The following IL1RAPL2 variants were observed in gnomAD, a reference collection of about 807,000 sequenced individuals.
IL1RAPL2 encodes the protein interleukin 1 receptor accessory protein like 2.
In IL1RAPL2, 3 loss-of-function variants were observed where a neutral mutation model predicts 44.1. The ratio of observed to expected loss-of-function variants is 0.07; its 90% CI spans 0.03 to 0.18. The LOEUF (loss-of-function observed/expected upper bound fraction) is 0.18. Among genes scored for constraint, IL1RAPL2 ranks in the 10% least tolerant of loss-of-function variants. The pLI is 1.00. For synonymous variants in IL1RAPL2, 181 were observed against 178.8 expected (o/e 1.01, Z -0.10); for missense variants, 391 against 496.4 (o/e 0.79, Z 2.02).
At chrX:105,208,586 G>A (rs944400965) in intron 3 of IL1RAPL2, among the ~76,000 whole-genome samples, 2 of 111,146 alleles carry the variant, frequency 1.8e-5, no homozygotes, top group Non-Finnish European at 3.8e-5. Context: ...CTAAGTGAGA[G>A]GGGTAATGTA....
At chrX:104,641,362 C>T (rs989414141) in intron 1 of IL1RAPL2, among the ~76,000 whole-genome samples, 1 of 111,068 alleles carries the variant, frequency 9.0e-6, no homozygotes. Context: ...GCTTAGGCCC[C>T]CTAATGGTGA....
Position 104,839,346 on chromosome X carries a change from C to T in IL1RAPL2, c.82+180351C>T, listed in dbSNP as rs890740564. 4.5e-5 allele frequency among the ~76,000 whole-genome samples: 5 copies of T among 111,222 alleles called. No individual in the cohort carries two copies. In the East Asian group the frequency reaches 8.5e-4, roughly 19 times the overall value. On this transcript the variant is annotated intron_variant, in intron 2 of 10. Coordinates refer to ENST00000372582, the MANE Select transcript of IL1RAPL2 (RefSeq NM_017416.2). ...TTTTCTGCATCTATTGAGATAATCACGTGTTTTTGTCATTGGTTCTGTTTA... is the reference window on the plus strand; with the variant it reads ...TTTTCTGCATCTATTGAGATAATCATGTGTTTTTGTCATTGGTTCTGTTTA...
At chrX:104,829,990 A>C (rs142172209) in intron 2 of IL1RAPL2, among the ~76,000 whole-genome samples, 4 of 112,039 alleles carry the variant, frequency 3.6e-5, no homozygotes, top group African/African-American at 1.3e-4. Context: ...GGTTAAGAGT[A>C]GAGCTGGGAT....
In IL1RAPL2 at chrX:104,813,976, A is replaced by G. The variant is rs1246785694; in HGVS notation, c.82+154981A>G. ...CACTTCCTTCCTCCTTGGTCTTTCT[A>G]GTTTTTCTTTATTTAGACTCTGTTT... On this transcript the variant is annotated intron_variant, in intron 2 of 10. Coordinates refer to ENST00000372582, the MANE Select transcript of IL1RAPL2 (RefSeq NM_017416.2). Among the ~76,000 whole-genome samples the G allele has an allele frequency of 2.7e-5, 3 of 111,213 alleles. No homozygotes were observed. In the East Asian group the frequency reaches 8.5e-4, roughly 31 times the overall value.
chrX:105,279,408 T>C (rs2034511802), intron 5 of IL1RAPL2, among the ~76,000 whole-genome samples: 1 of 112,090 alleles, frequency 8.9e-6, no homozygotes, highest in Non-Finnish European at 1.9e-5. Context: ...TAGTAAATGC[T>C]TATAAAATTA....
intron 2 of IL1RAPL2, among the ~76,000 whole-genome samples, chrX:104,697,446 G>A (rs1484508047): frequency 8.9e-6 from 1 of 112,355 alleles, no homozygotes; most frequent in Non-Finnish European, 1.9e-5. Context: ...GCAGTTTGAG[G>A]AAGGAAACAG....
intron 8 of IL1RAPL2, among the ~76,000 whole-genome samples, chrX:105,742,133 T>C (rs1477598364): frequency 9.0e-6 from 1 of 111,254 alleles, no homozygotes; most frequent in Admixed American, 9.6e-5. Flanking sequence ...GAGCAGTGTC[T>C]AGCTAGTAAT....
chrX:104,593,212 T>C (rs932550748), intron 1 of IL1RAPL2, among the ~76,000 whole-genome samples: 13 of 111,904 alleles, frequency 1.2e-4, no homozygotes, highest in African/African-American at 3.6e-4. Context: ...CCTGGGCTAC[T>C]CTATCACTGA....
intron 2 of IL1RAPL2, among the ~76,000 whole-genome samples, chrX:104,683,836 G>T (rs1391804008): frequency 8.9e-6 from 1 of 112,081 alleles, no homozygotes; most frequent in Non-Finnish European, 1.9e-5. Flanking sequence ...TCCTTCTCAT[G>T]GAGATTGAGG....
chrX:105,134,686 A>G (rs759089559), intron 2 of IL1RAPL2, among the ~76,000 whole-genome samples: 5 of 111,608 alleles, frequency 4.5e-5, no homozygotes, highest in Admixed American at 1.9e-4. Context: ...TAAGGACTAT[A>G]TACAGTTTAC....
intron 2 of IL1RAPL2, among the ~76,000 whole-genome samples, chrX:104,956,228 G>A (rs1405385882): frequency 8.9e-6 from 1 of 111,818 alleles, no homozygotes; most frequent in African/African-American, 3.3e-5. Flanking sequence ...GCTGAATTGA[G>A]GAGGGAGATC....
chrX:105,217,290 G>A lies in IL1RAPL2; in HGVS notation c.357-16528G>A, dbSNP rs1251988122. Among the ~76,000 whole-genome samples, 200 of 111,537 alleles carry A rather than the reference G, an allele frequency of 1.8e-3. 1 individual carries two copies. In the Middle Eastern group the frequency reaches 0.019, roughly 10 times the overall value. Reference sequence around the variant, plus strand: ...CAAACAACCCCATCAAAAAGTGGGTGAAGGACATGAACAGACACTTCTCAA... The same window carrying A: ...CAAACAACCCCATCAAAAAGTGGGTAAAGGACATGAACAGACACTTCTCAA... On this transcript the variant is annotated intron_variant, in intron 3 of 10. Transcript: ENST00000372582.
chrX:105,440,967 G>T (rs1458723211), intron 5 of IL1RAPL2, among the ~76,000 whole-genome samples: 1 of 111,764 alleles, frequency 8.9e-6, no homozygotes, highest in Non-Finnish European at 1.9e-5. Context: ...TTTGCCTTCT[G>T]CCATGATTGT....
intron 4 of IL1RAPL2, among the ~76,000 whole-genome samples, chrX:105,263,874 G>C (rs1283424069): frequency 1.8e-5 from 2 of 111,739 alleles, no homozygotes; most frequent in Non-Finnish European, 3.8e-5. Context: ...ACAATAAATA[G>C]TAGGGGGATT....
At chrX:105,303,879 A>G (rs2059455689) in intron 5 of IL1RAPL2, among the ~76,000 whole-genome samples, 1 of 112,954 alleles carries the variant, frequency 8.9e-6, no homozygotes. Flanking sequence ...AGAGGCCAAC[A>G]GATCAGAAGA....
chrX:105,493,541 T>C (rs1027719567), intron 6 of IL1RAPL2, among the ~76,000 whole-genome samples: 9 of 112,075 alleles, frequency 8.0e-5, no homozygotes, highest in Non-Finnish European at 1.7e-4. Flanking sequence ...CATCTTTTCA[T>C]GTGCTTGTTG....
At chrX:104,878,244 A>C (rs1380600060) in intron 2 of IL1RAPL2, among the ~76,000 whole-genome samples, 1 of 111,704 alleles carries the variant, frequency 9.0e-6, no homozygotes, top group Non-Finnish European at 1.9e-5. Flanking sequence ...TTCCACTAAT[A>C]TTATACCATC....
intron 2 of IL1RAPL2, among the ~76,000 whole-genome samples, chrX:104,892,256 C>CT (rs745635144): frequency 3.6e-5 from 4 of 111,551 alleles, no homozygotes; most frequent in East Asian, 2.8e-4. Context: ...CTAAAATTCT[C>CT]TTTTTTTGTT....
At chrX:105,598,058 A>C (rs1038800190) in intron 6 of IL1RAPL2, among the ~76,000 whole-genome samples, 2 of 111,412 alleles carry the variant, frequency 1.8e-5, no homozygotes, top group Non-Finnish European at 3.8e-5. Flanking sequence ...AACAAACTAA[A>C]TGTCCATTGG....
Sources: allele counts gnomAD v4.1 joint callset (sites outside exome capture counted in the v4.1 genomes callset), GRCh38; gene constraint gnomAD v4.1.1; transcripts MANE v1.5; gene names NCBI Gene and HGNC (gene_info 2026-07-23, HGNC 2026-07-21).